DNAI1: variants seen among roughly 807,000 people sequenced by gnomAD.
DNAI1 encodes the protein dynein axonemal intermediate chain 1.
A neutral mutation model predicts 92.0 loss-of-function variants in DNAI1; 67 were observed. The ratio of observed to expected loss-of-function variants is 0.73; its 90% CI spans 0.60 to 0.89. The LOEUF is 0.89. Among genes scored for constraint, DNAI1 ranks in the 40% least tolerant of loss-of-function variants. The pLI is 0.00. For missense variants in DNAI1, 839 were observed against 866.6 expected, an observed-to-expected ratio of 0.97 and a Z score of 0.40; for synonymous variants, 323 against 319.6, an observed-to-expected ratio of 1.01 and a Z score of -0.11.
intron 11 of DNAI1, 92 bp downstream of exon 11, chr9:34,500,931 G>A: frequency 2.7e-6 from 3 of 1,097,940 alleles, no homozygotes; most frequent in Non-Finnish European, 4.2e-6. Context: ...ACCACCTTGA[G>A]TATGACATGT....
intron 1 of DNAI1, among the ~76,000 whole-genome samples, chr9:34,463,840 G>T (rs958497491): frequency 6.6e-6 from 1 of 152,158 alleles, no homozygotes; most frequent in African/African-American, 2.4e-5. Flanking sequence ...GAGTGGGCAG[G>T]GTTGGGCATA....
At chr9:34,491,282 C>T in intron 7 of DNAI1, 1 of 630,568 alleles carries the variant, frequency 1.6e-6, no homozygotes, top group East Asian at 2.8e-5. Flanking sequence ...TGCTTTCTAG[C>T]TTATACTTCT....
At chr9:34,494,523 C>A (rs1824677486) in intron 9 of DNAI1, among the ~76,000 whole-genome samples, 1 of 152,158 alleles carries the variant, frequency 6.6e-6, no homozygotes, top group African/African-American at 2.4e-5. Context: ...GGTCAGGGTT[C>A]ACATGAAGAT....
rs148762102 is a variant in DNAI1, at chr9:34,517,288, C to T, written c.1822C>T (p.His608Tyr). The T allele has an allele frequency of 3.7e-6, 6 of 1,613,700 alleles. No homozygotes were observed. The highest frequency in any genetic ancestry group is 5.1e-6 in the Non-Finnish European group (6 of 1,179,860). Residue 608 changes from histidine (H) to tyrosine (Y), a missense_variant, in exon 19 of 20, where the codon CAC becomes TAC. Physicochemically the swap from His to Tyr is moderately conservative, Grantham distance 83. Transcript: ENST00000242317. ...GCTGACACCGACCTCTCCACAGGCC[C>T]ACATATTTGACTTAGCCATCAACAA... ...FAAVTTDGKAHIFDLAINKYE... is the reference protein window; with the variant it reads ...FAAVTTDGKAYIFDLAINKYE...
At chr9:34,466,922 T>C (rs1824049009) in intron 1 of DNAI1, among the ~76,000 whole-genome samples, 1 of 152,240 alleles carries the variant, frequency 6.6e-6, no homozygotes, top group African/African-American at 2.4e-5. Context: ...TCCATCCAAC[T>C]GCTGGTTCTC....
intron 6 of DNAI1, 122 bp downstream of exon 6, chr9:34,490,246 A>G: frequency 6.2e-7 from 1 of 1,605,336 alleles, no homozygotes; most frequent in Non-Finnish European, 8.5e-7. Flanking sequence ...GCAGGTGCCA[A>G]TGTGTCTGGC....
At chr9:34,470,541 A>G (rs781299319) in intron 1 of DNAI1, among the ~76,000 whole-genome samples, 5 of 152,248 alleles carry the variant, frequency 3.3e-5, no homozygotes, top group Non-Finnish European at 7.3e-5. Context: ...CAAAGGGTCA[A>G]TTCAAGAGGG....
intron 19 of DNAI1, among the ~76,000 whole-genome samples, chr9:34,520,214 T>C (rs1325995897): frequency 6.6e-6 from 1 of 152,096 alleles, no homozygotes; most frequent in Non-Finnish European, 1.5e-5. Flanking sequence ...CCCCTGAGGC[T>C]CTGTCCACAG....
At chr9:34,515,078 G>C (rs762107214) in intron 18 of DNAI1, among the ~76,000 whole-genome samples, 5 of 152,228 alleles carry the variant, frequency 3.3e-5, no homozygotes, top group Non-Finnish European at 7.3e-5. Context: ...ATGAGCCAGA[G>C]TTGATCAGTG....
chr9:34,492,377 A>G lies in DNAI1; in HGVS notation c.682-817A>G, dbSNP rs142320104. Among the ~76,000 whole-genome samples the G allele has an allele frequency of 5.4e-5, 8 of 149,466 alleles. No individual in the cohort carries two copies. The East Asian group carries it at 1.6e-3, about 30-fold the overall frequency. ...TCTTCCTGTCAGATCCATTTAGCAAATGTTCCCTTACCTTTTGCTTATCTC... is the reference window on the plus strand; with the variant it reads ...TCTTCCTGTCAGATCCATTTAGCAAGTGTTCCCTTACCTTTTGCTTATCTC... On this transcript the variant is annotated intron_variant, in intron 8 of 19. Coordinates refer to ENST00000242317, the MANE Select transcript of DNAI1 (RefSeq NM_012144.4).
At chr9:34,520,152 A>G (rs188850483) in intron 19 of DNAI1, among the ~76,000 whole-genome samples, 19 of 152,182 alleles carry the variant, frequency 1.2e-4, no homozygotes, top group Admixed American at 1.2e-3. Context: ...AATAGCACCC[A>G]CTGCCAACCT....
At chr9:34,470,529 G>T (rs1296611234) in intron 1 of DNAI1, among the ~76,000 whole-genome samples, 1 of 152,144 alleles carries the variant, frequency 6.6e-6, no homozygotes, top group African/African-American at 2.4e-5. Flanking sequence ...ATTTTAAAAT[G>T]ACAAAGGGTC....
intron 1 of DNAI1, among the ~76,000 whole-genome samples, chr9:34,461,994 G>C (rs1823959521): frequency 6.6e-6 from 1 of 152,164 alleles, no homozygotes; most frequent in Non-Finnish European, 1.5e-5. Flanking sequence ...GGTAGGACTG[G>C]GTTGCCAGGG....
chr9:34,492,493 G>GATAGATATATATATATATATATAT (rs1554688186), intron 8 of DNAI1, among the ~76,000 whole-genome samples: 6 of 68,256 alleles, frequency 8.8e-5, no homozygotes, highest in African/African-American at 2.5e-4. Context: ...GGGATATGAA[G>GATAGATATATATATATATATATAT]ATATATATAT....
intron 7 of DNAI1, among the ~76,000 whole-genome samples, 183 bp downstream of exon 7, chr9:34,490,671 C>A (rs1824572513): frequency 6.6e-6 from 1 of 152,186 alleles, no homozygotes; most frequent in African/African-American, 2.4e-5. Context: ...GCTATCCAGG[C>A]AGGAGTTTAG....
intron 2 of DNAI1, chr9:34,484,925 C>A (rs912996105): frequency 1.2e-5 from 6 of 518,274 alleles, no homozygotes; most frequent in Non-Finnish European, 1.8e-5. Context: ...CTAAGCCTGA[C>A]CCCCAGGGCA....
At chr9:34,483,423 C>T (rs1564030911) in intron 1 of DNAI1, 25 bp from the exon 2 acceptor site, 1 of 1,608,602 alleles carries the variant, frequency 6.2e-7, no homozygotes, top group Non-Finnish European at 8.5e-7. Context: ...TATGACTTAC[C>T]TTCTGTTTTC....
intron 1 of DNAI1, among the ~76,000 whole-genome samples, chr9:34,473,641 G>A (rs1053974364): frequency 1.3e-5 from 2 of 152,016 alleles, no homozygotes; most frequent in Admixed American, 1.3e-4. Flanking sequence ...TAATTTTTTG[G>A]GGTGAGAACA....
rs1465404366 is a variant in DNAI1 at position 34,513,192 on chromosome 9, G to T, written c.1569+1G>T. 2 of 1,613,662 alleles carry T rather than the reference G, an allele frequency of 1.2e-6. No individual in the cohort carries two copies. Among genetic ancestry groups the T allele is most frequent in the Admixed American group, 1.7e-5 (1 of 60,012 alleles). Reference sequence around the variant, plus strand: ...CACAGAGGAGGGAAAAATCTACAAGGTGAGGCTGCCCTGTGCCAGCTCCTT... The same window carrying T: ...CACAGAGGAGGGAAAAATCTACAAGTTGAGGCTGCCCTGTGCCAGCTCCTT... On this transcript the variant is annotated splice_donor_variant, in intron 16 of 19. Coordinates refer to ENST00000242317, the MANE Select transcript of DNAI1 (RefSeq NM_012144.4). LOFTEE classifies it high-confidence loss of function.
Sources: gnomAD v4.1 joint callset for allele counts (sites outside exome capture counted in the v4.1 genomes callset) on GRCh38, gnomAD v4.1.1 for gene constraint, MANE v1.5 for transcripts, NCBI Gene and HGNC (gene_info 2026-07-23, HGNC 2026-07-21) for gene names.